Variants in TMEM209 observed in about 807,000 individuals in gnomAD.
TMEM209 encodes the protein testicular tissue protein Li 202.
TMEM209 carries 65 observed loss-of-function variants against 76.2 expected under a neutral mutation model. The ratio of observed to expected loss-of-function variants is 0.85; its 90% CI spans 0.70 to 1.05. The LOEUF is 1.05. TMEM209 is among the 50% of genes least tolerant of loss of function. The probability of loss-of-function intolerance (pLI) is 0.00; values close to 1 mark genes in which losing one functional copy is unlikely to be tolerated. For synonymous variants in TMEM209, 239 were observed against 237.6 expected (o/e 1.01, Z -0.06); for missense variants, 623 against 685.5 (o/e 0.91, Z 1.02).
Position 130,205,358 on chromosome 7 carries a change from A to G in TMEM209, c.3+15T>C. 6.2e-7 allele frequency: 1 copy of G among 1,613,590 alleles called. No homozygotes were observed. The highest frequency in any genetic ancestry group is 8.5e-7 in the Non-Finnish European group (1 of 1,179,840). Reference sequence around the variant, plus strand: ...TTCCAAGACAGGAAGCACAAACACGACCCCGAAAACGCACCATGTCCTCTG... The same window carrying G: ...TTCCAAGACAGGAAGCACAAACACGGCCCCGAAAACGCACCATGTCCTCTG... On this transcript the variant is annotated intron_variant, in intron 1 of 14. Coordinates refer to ENST00000397622, the MANE Select transcript of TMEM209 (RefSeq NM_032842.4).
chr7:130,178,312 A>T, intron 10 of TMEM209, 90 bp downstream of exon 10: 1 of 1,289,506 alleles, frequency 7.8e-7, no homozygotes, highest in Non-Finnish European at 1.0e-6. Context: ...TTATACTTTT[A>T]ATTAAAAGTT....
chr7:130,185,423 G>GT (rs2116999897), intron 6 of TMEM209, 56 bp from the exon 7 acceptor site: 1 of 1,502,386 alleles, frequency 6.7e-7, no homozygotes, highest in South Asian at 1.2e-5. Context: ...GACATCTACA[G>GT]TTAACACTTA....
rs1210181659 is a variant in TMEM209, at chr7:130,170,477, G to A, written c.1558-4C>T. ...TATGAAACATATTATTTCTGCCCTG[G>A]AACAAAGACAAAAAAGACAAGATTT... On this transcript the variant is annotated splice_region_variant and splice_polypyrimidine_tract_variant and intron_variant, in intron 13 of 14. Coordinates refer to ENST00000397622, the MANE Select transcript of TMEM209 (RefSeq NM_032842.4). 1 of 1,607,352 alleles carries A rather than the reference G, an allele frequency of 6.2e-7. No homozygotes were observed. Among genetic ancestry groups the A allele is most frequent in the Non-Finnish European group, 8.5e-7 (1 of 1,177,440 alleles).
chr7:130,173,739 A>G lies in TMEM209; in HGVS notation c.1460-10T>C, dbSNP rs1797149219. 5.0e-6 allele frequency: 8 copies of G among 1,612,322 alleles called. No homozygotes were observed. Among genetic ancestry groups the G allele is most frequent in the South Asian group, 2.2e-5 (2 of 90,996 alleles). On this transcript the variant is annotated splice_polypyrimidine_tract_variant and intron_variant, in intron 12 of 14. Transcript: ENST00000397622. The stretch of plus-strand genomic sequence containing the variant: ...TTCTCATTTGTAACATCTGTAAAGG[A>G]AGGCAATATGCTGCATTAAAAAACC...
At chr7:130,195,355 A>T (rs1207924321) in intron 5 of TMEM209, among the ~76,000 whole-genome samples, 1 of 152,036 alleles carries the variant, frequency 6.6e-6, no homozygotes, top group Non-Finnish European at 1.5e-5. Flanking sequence ...TTGGAATCTT[A>T]TGTTTTTTAA....
At chr7:130,194,542 T>C (rs1019840481) in intron 5 of TMEM209, among the ~76,000 whole-genome samples, 9 of 152,240 alleles carry the variant, frequency 5.9e-5, no homozygotes, top group Non-Finnish European at 1.3e-4. Context: ...TTTCATATTT[T>C]ATGTATTTTA....
intron 1 of TMEM209, 39 bp downstream of exon 1, chr7:130,205,334 T>G (rs929348828): frequency 6.2e-7 from 1 of 1,613,660 alleles, no homozygotes. Context: ...CCGCGTAGAT[T>G]CCAAGACAGG....
At chr7:130,204,150 A>G (rs571278945) in intron 1 of TMEM209, 40 bp from the exon 2 acceptor site, 2 of 1,561,674 alleles carry the variant, frequency 1.3e-6, no homozygotes, top group South Asian at 2.4e-5. Flanking sequence ...ACCAGAAGAA[A>G]CTATTGCTCC....
rs1009744178 is a variant in TMEM209 at position 130,204,872 on chromosome 7, T to C, written c.3+501A>G. The C allele has an allele frequency of 5.3e-6, 5 of 942,188 alleles. No homozygotes were observed. The African/African-American group carries it at 7.0e-5, about 13-fold the overall frequency. The allele number at this position is 942,188 out of a possible 1,614,324, so 58.4% of individuals were successfully genotyped here. A position where few individuals can be genotyped will look rare whatever the true frequency, so the allele number is the denominator to read the frequency against. The stretch of plus-strand genomic sequence containing the variant: ...CATCCTCATGCAGACGCCATTACTA[T>C]CTCAACAACTCTGCACTTGGACAGC... On this transcript the variant is annotated intron_variant, in intron 1 of 14. Transcript: ENST00000397622.
chr7:130,192,782 G>A lies in TMEM209; in HGVS notation c.615C>T (p.Thr205=). Residue 205 remains threonine, a synonymous_variant, in exon 6 of 15, where the codon ACC becomes ACT. Transcript: ENST00000397622. ...CACTGCTCTCCACTGGTCCAACAGT[G>A]GTAGGGTACGGAGAAGGAGGAGAGG... ...FSPSPPSPYP[T]TVGPVESSGL... 1.2e-6 allele frequency: 2 copies of A among 1,613,902 alleles called. No homozygotes were observed. The highest frequency in any genetic ancestry group is 1.1e-5 in the South Asian group (1 of 91,080).
chr7:130,199,067 G>C (rs546558285), intron 5 of TMEM209, among the ~76,000 whole-genome samples: 86 of 151,952 alleles, frequency 5.7e-4, no homozygotes, highest in African/African-American at 2.0e-3. Context: ...CAATATACAG[G>C]GATTGTGAAT....
At position 130,202,062 on chromosome 7, in the gene TMEM209, C is replaced by A; in HGVS notation, c.361G>T (p.Ala121Ser). The A allele has an allele frequency of 1.2e-6, 2 of 1,613,608 alleles. No individual in the cohort carries two copies. Among genetic ancestry groups the A allele is most frequent in the Non-Finnish European group, 1.7e-6 (2 of 1,179,818 alleles). ...GGAGCGGGAGGGATTTGGGTTGCTG[C>A]CAGATCATGTGGAGGCGTAGTCTGT... ...VVQTTPPHDLAATQIPPAPPS... is the reference protein window; with the variant it reads ...VVQTTPPHDLSATQIPPAPPS... Residue 121 changes from alanine (A) to serine (S), a missense_variant, in exon 5 of 15, where the codon GCA becomes TCA. Transcript: ENST00000397622.
intron 2 of TMEM209, 43 bp from the exon 3 acceptor site, chr7:130,203,889 C>G: frequency 6.3e-7 from 1 of 1,589,748 alleles, no homozygotes; most frequent in South Asian, 1.2e-5. Flanking sequence ...CCTAAAAACA[C>G]CAAAAATCAA....
intron 5 of TMEM209, 23 bp from the exon 6 acceptor site, chr7:130,192,846 ACTTT>A (rs776153385): frequency 3.1e-6 from 5 of 1,598,300 alleles, no homozygotes; most frequent in Non-Finnish European, 4.3e-6. Flanking sequence ...AAAGATCTTT[ACTTT>A]ATTTTTCTTT....
chr7:130,202,964 C>T lies in TMEM209; in HGVS notation c.200-301G>A, dbSNP rs537530806. 3.4e-4 allele frequency among the ~76,000 whole-genome samples: 51 copies of T among 152,026 alleles called. 1 individual carries two copies. In the South Asian group the frequency reaches 9.6e-3, roughly 29 times the overall value. ...ATTAGCCAGGTGTGGTGACGCACAC[C>T]TGTAGTCTCAGCTACTTGGGAGGCT... On this transcript the variant is annotated intron_variant, in intron 3 of 14. Coordinates refer to ENST00000397622, the MANE Select transcript of TMEM209 (RefSeq NM_032842.4).
chr7:130,185,596 C>A (rs574851610), intron 6 of TMEM209, among the ~76,000 whole-genome samples: 1 of 152,282 alleles, frequency 6.6e-6, no homozygotes, highest in East Asian at 1.9e-4. Context: ...AAACAATAAG[C>A]AGTCAAAGGC....
chr7:130,173,532 A>T (rs1797140720), intron 13 of TMEM209, 100 bp downstream of exon 13: 1 of 863,510 alleles, frequency 1.2e-6, no homozygotes, highest in African/African-American at 1.7e-5. Flanking sequence ...AATTTAAAAA[A>T]TTTACTTCTT....
In TMEM209 at chr7:130,178,446, A is replaced by C; in HGVS notation, c.1202T>G (p.Leu401Arg). 6.2e-7 allele frequency: 1 copy of C among 1,613,674 alleles called. No homozygotes were observed. The highest frequency in any genetic ancestry group is 8.5e-7 in the Non-Finnish European group (1 of 1,179,740). Residue 401 changes from leucine to arginine, a missense_variant, in exon 10 of 15, where the codon CTA (leucine) becomes CGA (arginine). By Grantham distance (102) the Leu-to-Arg change is moderately radical. Transcript: ENST00000397622. ...IPTLNTIVQY[L>R]DLTPNQEYLF... ...GTATTCCTGATTTGGAGTAAGGTCTAGATACTGAACGATTGTGTTCAAAGT... is the reference window on the plus strand; with the variant it reads ...GTATTCCTGATTTGGAGTAAGGTCTCGATACTGAACGATTGTGTTCAAAGT...
chr7:130,182,124 T>C, intron 8 of TMEM209: 1 of 170,604 alleles, frequency 5.9e-6, no homozygotes, highest in Non-Finnish European at 1.3e-5. Flanking sequence ...GTATTTTTAG[T>C]AGAGACGGGG....
Sources: gnomAD v4.1 joint callset for allele counts (sites outside exome capture counted in the v4.1 genomes callset) on GRCh38, gnomAD v4.1.1 for gene constraint, MANE v1.5 for transcripts, NCBI Gene and HGNC (gene_info 2026-07-23, HGNC 2026-07-21) for gene names.